The following ATP6V0A1 variants were observed in gnomAD, a reference collection of about 807,000 sequenced individuals.
The protein encoded by ATP6V0A1 is ATPase H+ transporting V0 subunit a1.
A neutral mutation model predicts 105.4 loss-of-function variants in ATP6V0A1; 43 were observed. The observed-to-expected ratio is 0.41, with a 90% CI of 0.32 to 0.53. ATP6V0A1 has a LOEUF of 0.53. Among genes scored for constraint, ATP6V0A1 ranks in the 20% least tolerant of loss-of-function variants. The probability of loss-of-function intolerance (pLI) is 0.30; values close to 1 mark genes in which losing one functional copy is unlikely to be tolerated. For synonymous variants in ATP6V0A1, 362 were observed against 372.8 expected (o/e 0.97, Z 0.33); for missense variants, 676 against 1,051.1 (o/e 0.64, Z 4.93).
chr17:42,494,680 G>A, intron 12 of ATP6V0A1: 1 of 597,400 alleles, frequency 1.7e-6, no homozygotes, highest in South Asian at 2.6e-5. Context: ...GGCTGAGGCA[G>A]GAGAATCACT....
intron 21 of ATP6V0A1, among the ~76,000 whole-genome samples, chr17:42,516,493 C>T (rs144454174): frequency 1.1e-4 from 16 of 152,342 alleles, no homozygotes; most frequent in Admixed American, 6.5e-4. Context: ...CACACTTCCT[C>T]AGCCCTCCTC....
In ATP6V0A1 at chr17:42,500,731, C is replaced by G. The variant is rs1365283881; in HGVS notation, c.1704C>G (p.Ile568Met). The G allele has an allele frequency of 1.2e-6, 2 of 1,613,674 alleles. No homozygotes were observed. Among genetic ancestry groups the G allele is most frequent in the Admixed American group, 3.3e-5 (2 of 60,018 alleles). The change falls in exon 16 of 22, where the codon ATC (isoleucine) becomes ATG (methionine). Residue 568 changes from isoleucine (I) to methionine (M), a missense_variant. Around this residue, in one of 3 missense-constraint regions of ATP6V0A1, gnomAD observed 435 missense variants for 642.2 expected, o/e 0.68. Transcript: ENST00000343619. ...GCTATTTCAAGAAGCCCCTGAATAT[C>G]TACTTTGGATTTATTCCTGAAATAA... ...NHIYFKKPLN[I>M]YFGFIPEIIF...
In ATP6V0A1 at chr17:42,522,481, G is replaced by A. The variant is rs1360796159; in HGVS notation, c.*1361G>A. ...GGGTTTTCGTGATGATCTTTGCTCT[G>A]TTTCCAGTGGGGTTTGAAGCAGAGT... is the stretch of plus-strand genomic sequence containing the variant. On this transcript the variant is annotated 3_prime_UTR_variant, in exon 22 of 22. Transcript: ENST00000343619. 6.5e-6 allele frequency: 1 copy of A among 152,824 alleles called. No individual in the cohort carries two copies. Among genetic ancestry groups the A allele is most frequent in the Non-Finnish European group, 1.5e-5 (1 of 68,426 alleles). 9.5% of individuals were successfully genotyped at this position (152,824 alleles called of 1,614,324 possible).
intron 14 of ATP6V0A1, among the ~76,000 whole-genome samples, chr17:42,497,229 G>A (rs766958093): frequency 6.6e-6 from 1 of 150,840 alleles, no homozygotes; most frequent in Non-Finnish European, 1.5e-5. Context: ...GAACCTGGGA[G>A]GCAGAGGTTG....
At chr17:42,507,686 G>T (rs769368248) in intron 18 of ATP6V0A1, 59 bp downstream of exon 18, 1 of 1,340,120 alleles carries the variant, frequency 7.5e-7, no homozygotes, top group African/African-American at 1.4e-5. Flanking sequence ...CTAGTCTTGT[G>T]TACCTAAGAG....
intron 9 of ATP6V0A1, among the ~76,000 whole-genome samples, chr17:42,486,922 G>A (rs1413533589): frequency 2.0e-5 from 3 of 152,252 alleles, no homozygotes; most frequent in South Asian, 4.1e-4. Context: ...ATATAGAAAA[G>A]CTAAACTATT....
At chr17:42,472,367 G>C (rs1317592276) in intron 5 of ATP6V0A1, among the ~76,000 whole-genome samples, 2 of 151,770 alleles carry the variant, frequency 1.3e-5, no homozygotes, top group East Asian at 3.9e-4. Flanking sequence ...TCCCATTTTA[G>C]TTAGCATCTG....
At chr17:42,468,660 C>T (rs1353451854) in intron 4 of ATP6V0A1, among the ~76,000 whole-genome samples, 1 of 152,126 alleles carries the variant, frequency 6.6e-6, no homozygotes, top group African/African-American at 2.4e-5. Context: ...CTGCTTATTT[C>T]GCTTAACATA....
chr17:42,466,386 G>A (rs760907084), intron 2 of ATP6V0A1, 43 bp from the exon 3 acceptor site: 1 of 1,492,904 alleles, frequency 6.7e-7, no homozygotes, highest in Non-Finnish European at 9.3e-7. Context: ...AGAAGAAATA[G>A]ATACAATATT....
chr17:42,480,845 C>T (rs1290104735), intron 8 of ATP6V0A1, 96 bp downstream of exon 8: 1 of 1,086,408 alleles, frequency 9.2e-7, no homozygotes, highest in Admixed American at 2.4e-5. Flanking sequence ...CCTTTTTAGT[C>T]TACCTCAACA....
At chr17:42,472,925 A>G (rs2088185878) in intron 5 of ATP6V0A1, among the ~76,000 whole-genome samples, 1 of 152,136 alleles carries the variant, frequency 6.6e-6, no homozygotes, top group African/African-American at 2.4e-5. Flanking sequence ...TAGGCCTAGC[A>G]GTCTGTATTT....
intron 8 of ATP6V0A1, chr17:42,481,112 G>A (rs770895785): frequency 6.2e-5 from 10 of 161,298 alleles, no homozygotes; most frequent in Non-Finnish European, 1.1e-4. Flanking sequence ...TTGTAGAGAC[G>A]GGGTTTTGCC....
chr17:42,491,880 G>C (rs2090670798), intron 11 of ATP6V0A1, among the ~76,000 whole-genome samples: 2 of 151,510 alleles, frequency 1.3e-5, no homozygotes, highest in Non-Finnish European at 2.9e-5. Context: ...GCCTCCCAAA[G>C]TGCTGGGATT....
At chr17:42,484,264 A>T (rs1386745700) in intron 9 of ATP6V0A1, among the ~76,000 whole-genome samples, 1 of 151,934 alleles carries the variant, frequency 6.6e-6, no homozygotes, top group African/African-American at 2.4e-5. Context: ...TCACCGTGTT[A>T]GCCAGGATGA....
chr17:42,470,562 G>A, intron 5 of ATP6V0A1: 1 of 179,658 alleles, frequency 5.6e-6, no homozygotes, highest in Non-Finnish European at 1.2e-5. Context: ...GCAAACATTT[G>A]GTTATAGACA....
intron 11 of ATP6V0A1, among the ~76,000 whole-genome samples, chr17:42,492,614 G>T (rs1035967791): frequency 6.6e-6 from 1 of 151,222 alleles, no homozygotes; most frequent in Non-Finnish European, 1.5e-5. Flanking sequence ...GCTGAGGCAG[G>T]AGAATCACTT....
intron 19 of ATP6V0A1, among the ~76,000 whole-genome samples, chr17:42,512,138 T>C (rs1348631982): frequency 6.6e-6 from 1 of 152,138 alleles, no homozygotes; most frequent in Non-Finnish European, 1.5e-5. Context: ...TCATGGCCGA[T>C]TGATACGGGC....
At chr17:42,495,854 G>A (rs2091109509) in intron 14 of ATP6V0A1, 138 bp downstream of exon 14, 2 of 704,844 alleles carry the variant, frequency 2.8e-6, no homozygotes, top group Non-Finnish European at 2.4e-6. Context: ...CCAGCACTTT[G>A]GGAGGCCGAG....
chr17:42,514,208 A>G, intron 20 of ATP6V0A1, 81 bp from the exon 21 acceptor site: 1 of 1,499,704 alleles, frequency 6.7e-7, no homozygotes, highest in Non-Finnish European at 9.0e-7. Flanking sequence ...ACCCTAGAGC[A>G]GGGGGATGGC....
Sources: allele counts gnomAD v4.1 joint callset (sites outside exome capture counted in the v4.1 genomes callset), GRCh38; gene constraint gnomAD v4.1.1; regional missense constraint gnomAD v4.1.1; transcripts MANE v1.5; gene names NCBI Gene and HGNC (gene_info 2026-07-23, HGNC 2026-07-21).